Variants in OVCH1 observed in about 807,000 individuals in gnomAD.
OVCH1 encodes the protein ovochymase 1.
In OVCH1, 139 loss-of-function variants were observed where a neutral mutation model predicts 138.4. The observed-to-expected ratio is 1.00, with a 90% CI of 0.87 to 1.16. The LOEUF (loss-of-function observed/expected upper bound fraction) is 1.16. Ranked by LOEUF, OVCH1 falls within the 50% of genes most tolerant of loss-of-function variation. The pLI, the probability that OVCH1 is intolerant of heterozygous loss-of-function variation, is 0.00. For synonymous variants in OVCH1, 453 were observed against 467.8 expected (o/e 0.97, Z 0.41); for missense variants, 1,367 against 1,357.9 (o/e 1.01, Z -0.11).
intron 24 of OVCH1, 106 bp from the exon 25 acceptor site, chr12:29,443,606 C>T (rs890581264): frequency 1.4e-5 from 16 of 1,146,744 alleles, no homozygotes; most frequent in Non-Finnish European, 1.9e-5. Flanking sequence ...CCCAGTGAGC[C>T]TTATTTTTTG....
chr12:29,495,169 G>A, intron 4 of OVCH1, 116 bp downstream of exon 4: 2 of 1,058,278 alleles, frequency 1.9e-6, no homozygotes, highest in East Asian at 2.5e-5. Flanking sequence ...ATTTTAAAAA[G>A]AAACAAAGCT....
intron 16 of OVCH1, among the ~76,000 whole-genome samples, chr12:29,471,119 G>T (rs1382419995): frequency 6.6e-6 from 1 of 152,032 alleles, no homozygotes; most frequent in African/African-American, 2.4e-5. Flanking sequence ...GGATTCTAAG[G>T]GGTCTCGAAA....
downstream of OVCH1, among the ~76,000 whole-genome samples, chr12:29,407,517 C>G (rs1565557400): frequency 6.7e-6 from 1 of 149,642 alleles, no homozygotes; most frequent in Non-Finnish European, 1.5e-5. Context: ...TTTCAGCTTT[C>G]TCCATATGGC....
chr12:29,456,976 G>GT (rs1321157390), intron 19 of OVCH1, among the ~76,000 whole-genome samples: 8 of 152,110 alleles, frequency 5.3e-5, no homozygotes, highest in African/African-American at 1.9e-4. Flanking sequence ...TTGTCTTCTT[G>GT]TAAGATAAAT....
chr12:29,489,335 GTGGTCATCT>G (rs1411768894), intron 6 of OVCH1, among the ~76,000 whole-genome samples: 5 of 152,222 alleles, frequency 3.3e-5, no homozygotes, highest in Admixed American at 2.6e-4. Flanking sequence ...GATTGTGAAA[GTGGTCATCT>G]TGCTTGATTC....
chr12:29,404,501 A>C, the OVCH1 span, among the ~76,000 whole-genome samples: 1 of 151,972 alleles, frequency 6.6e-6, no homozygotes, highest in Non-Finnish European at 1.5e-5. Context: ...GGGCTGATGC[A>C]ACAGATCTCT....
downstream of OVCH1, among the ~76,000 whole-genome samples, chr12:29,423,825 C>T (rs932919975): frequency 6.6e-6 from 1 of 152,158 alleles, no homozygotes; most frequent in African/African-American, 2.4e-5. Context: ...ATCTCTACAT[C>T]GTCCTTATCC....
At chr12:29,444,710 G>A (rs1941569110) in intron 23 of OVCH1, among the ~76,000 whole-genome samples, 1 of 151,784 alleles carries the variant, frequency 6.6e-6, no homozygotes, top group Admixed American at 6.6e-5. Context: ...TGCCAAGGGG[G>A]GAAACTAGCT....
chr12:29,436,816 A>G (rs1024893894), intron 26 of OVCH1, among the ~76,000 whole-genome samples: 3 of 151,778 alleles, frequency 2.0e-5, no homozygotes, highest in South Asian at 4.1e-4. Flanking sequence ...CCTCGTGGTG[A>G]GTGTTACAGC....
chr12:29,471,971 T>C lies in OVCH1; in HGVS notation c.1687A>G (p.Ile563Val), dbSNP rs753280747. The change falls in exon 16 of 28, where the codon ATC (isoleucine) becomes GTC (valine). Residue 563 changes from isoleucine to valine, a missense_variant. Coordinates refer to ENST00000318184, the Ensembl canonical transcript of OVCH1. Reference sequence around the variant, plus strand: ...AGCCACTGGGGACTAAATGGAGGGATGCCACAGACATCTACAGTAAAGATG... The same window carrying C: ...AGCCACTGGGGACTAAATGGAGGGACGCCACAGACATCTACAGTAAAGATG... 9 of 1,611,346 alleles carry C rather than the reference T, an allele frequency of 5.6e-6. No homozygotes were observed. Among genetic ancestry groups the C allele is most frequent in the Non-Finnish European group, 5.9e-6 (7 of 1,178,728 alleles).
At chr12:29,456,915 G>T (rs1941967536) in intron 19 of OVCH1, among the ~76,000 whole-genome samples, 1 of 152,160 alleles carries the variant, frequency 6.6e-6, no homozygotes, top group African/African-American at 2.4e-5. Flanking sequence ...CAGGTCTTTT[G>T]CAGGAAGTGG....
intron 3 of OVCH1, among the ~76,000 whole-genome samples, chr12:29,414,813 A>C (rs1456729564): frequency 6.6e-6 from 1 of 152,178 alleles, no homozygotes; most frequent in Non-Finnish European, 1.5e-5. Flanking sequence ...ATCCATTTTC[A>C]TATGAATTGT....
At chr12:29,419,268 C>G (rs1941070504) in intron 3 of OVCH1, among the ~76,000 whole-genome samples, 1 of 151,650 alleles carries the variant, frequency 6.6e-6, no homozygotes, top group Admixed American at 6.6e-5. Context: ...TATTTTCTTT[C>G]CTCCATAATA....
chr12:29,482,682 A>G (rs1411794415), intron 8 of OVCH1, among the ~76,000 whole-genome samples: 1 of 152,198 alleles, frequency 6.6e-6, no homozygotes, highest in Non-Finnish European at 1.5e-5. Flanking sequence ...CTGATCCTAC[A>G]GTTCTGCTCA....
chr12:29,408,944 C>G (rs1940917709), downstream of OVCH1, among the ~76,000 whole-genome samples: 5 of 152,060 alleles, frequency 3.3e-5, no homozygotes, highest in Non-Finnish European at 2.9e-5. Context: ...GTCCTGGACT[C>G]TTTTTGGTTG....
intron 4 of OVCH1, among the ~76,000 whole-genome samples, chr12:29,491,609 A>T (rs1943274527): frequency 6.6e-6 from 1 of 152,200 alleles, no homozygotes; most frequent in Non-Finnish European, 1.5e-5. Context: ...GAACCTGGGA[A>T]GCTTAGAAAA....
At chr12:29,474,981 G>A in intron 14 of OVCH1, 80 bp downstream of exon 14, 1 of 1,438,020 alleles carries the variant, frequency 7.0e-7, no homozygotes, top group Non-Finnish European at 9.4e-7. Context: ...ATACTACATT[G>A]AGGTAAACAT....
chr12:29,442,632 TAAAA>T (rs370089807), intron 25 of OVCH1, among the ~76,000 whole-genome samples: 2 of 149,616 alleles, frequency 1.3e-5, no homozygotes, highest in Admixed American at 6.7e-5. Context: ...AATAATAAAA[TAAAA>T]AAAAATAAAA....
chr12:29,472,961 C>T (rs901043968), intron 15 of OVCH1, 68 bp downstream of exon 15: 1 of 1,378,242 alleles, frequency 7.3e-7, no homozygotes, highest in Middle Eastern at 1.8e-4. Flanking sequence ...ATAAGGGCTT[C>T]CAAAAGAGAC....
Sources: allele counts gnomAD v4.1 joint callset (sites outside exome capture counted in the v4.1 genomes callset), GRCh38; gene constraint gnomAD v4.1.1; transcripts MANE v1.5; gene names NCBI Gene and HGNC (gene_info 2026-07-23, HGNC 2026-07-21).